The following TAF4 variants were observed in gnomAD, a reference collection of about 807,000 sequenced individuals.
TAF4 encodes the protein transcription initiation factor TFIID subunit 4.
Under a neutral mutation model 90.3 loss-of-function variants are expected in TAF4, and 9 were observed. That is an observed-to-expected ratio of 0.10 (90% confidence interval 0.06 to 0.17). The LOEUF is 0.17. Among genes scored for constraint, TAF4 ranks in the 10% least tolerant of loss-of-function variants. The pLI is 1.00. For synonymous variants in TAF4, 818 were observed against 638.9 expected, an observed-to-expected ratio of 1.28 and a Z score of -4.23; for missense variants, 1,351 against 1,370.7, an observed-to-expected ratio of 0.99 and a Z score of 0.23.
chr20:62,024,524 T>C (rs2055863837), intron 1 of TAF4, among the ~76,000 whole-genome samples: 1 of 152,182 alleles, frequency 6.6e-6, no homozygotes, highest in Non-Finnish European at 1.5e-5. Context: ...AGCATCCATC[T>C]AATAAAGGGC....
In TAF4 at chr20:62,064,727, C is replaced by T; in HGVS notation, c.1084G>A (p.Ala362Thr). 1 of 1,219,098 alleles carries T rather than the reference C, an allele frequency of 8.2e-7. No homozygotes were observed. The highest frequency in any genetic ancestry group is 4.1e-5 in the Admixed American group (1 of 24,106). 75.5% of individuals were successfully genotyped at this position (1,219,098 alleles called of 1,614,324 possible). The change falls in exon 1 of 15, where the codon GCG becomes ACG. Residue 362 changes from alanine to threonine, a missense_variant. Ala to Thr is a moderately conservative substitution (Grantham distance 58, BLOSUM62 0). Transcript: ENST00000252996. ...QAAPPAAQTL[A>T]ASGPASTAAS... ...GCCGTGCTGGCCGGGCCGCTGGCCG[C>T]CAGGGTCTGCGCCGCCGGGGGCGCC... is the stretch of plus-strand genomic sequence containing the variant.
chr20:62,049,240 A>G (rs4134440), intron 1 of TAF4, among the ~76,000 whole-genome samples: 106,882 of 151,914 alleles, frequency 0.7, 37,778 homozygotes, highest in Middle Eastern at 0.8. Context: ...GAGACCCTGC[A>G]AGCGGGGTTC....
At chr20:62,050,745 C>T (rs2056022374) in intron 1 of TAF4, among the ~76,000 whole-genome samples, 1 of 152,148 alleles carries the variant, frequency 6.6e-6, no homozygotes, top group Non-Finnish European at 1.5e-5. Context: ...ACCTGCCAGG[C>T]TCCAGGCAGA....
At position 62,065,570 on chromosome 20, in the gene TAF4, C is replaced by T; in HGVS notation, c.241G>A (p.Gly81Ser). The change falls in exon 1 of 15, where the codon GGC becomes AGC. Residue 81 changes from glycine (G) to serine (S), a missense_variant. Physicochemically the swap from Gly to Ser is moderately conservative, Grantham distance 56. Transcript: ENST00000252996. ...AGAGPAAPAE[G>S]APGAAPEPPP... ...GGCTCCGGCGCCGCTCCGGGCGCGC[C>T]CTCGGCGGGGGCGGCCGGCCCTGCG... is the stretch of plus-strand genomic sequence containing the variant. 2.0e-6 allele frequency: 2 copies of T among 977,624 alleles called. No individual in the cohort carries two copies. Among genetic ancestry groups the T allele is most frequent in the Non-Finnish European group, 2.4e-6 (2 of 827,242 alleles). 60.6% of individuals were successfully genotyped at this position (977,624 alleles called of 1,614,324 possible).
intron 1 of TAF4, among the ~76,000 whole-genome samples, chr20:62,054,879 C>T (rs2056051668): frequency 1.3e-5 from 2 of 152,114 alleles, no homozygotes; most frequent in Admixed American, 1.3e-4. Flanking sequence ...CTCCTGCCTC[C>T]CACCAGCCAC....
chr20:62,064,290 G>C (rs1233397904), intron 1 of TAF4, 161 bp downstream of exon 1: 2 of 803,752 alleles, frequency 2.5e-6, no homozygotes, highest in Non-Finnish European at 3.4e-6. Context: ...ACAGCCACCC[G>C]GGCTGGCCCC....
chr20:62,017,804 A>C (rs899362853), intron 1 of TAF4, among the ~76,000 whole-genome samples: 6 of 152,118 alleles, frequency 3.9e-5, no homozygotes, highest in African/African-American at 1.4e-4. Context: ...ACTGCACTCC[A>C]GCCTGGACGA....
chr20:62,032,514 T>A (rs28382029), intron 1 of TAF4, among the ~76,000 whole-genome samples: 4,090 of 152,326 alleles, frequency 0.027, 188 homozygotes, highest in African/African-American at 0.094. Flanking sequence ...CTGCAGAGGA[T>A]GGGCTTCCAG....
chr20:62,059,489 T>C (rs1247042676), intron 1 of TAF4, among the ~76,000 whole-genome samples: 2 of 152,214 alleles, frequency 1.3e-5, no homozygotes, highest in African/African-American at 4.8e-5. Context: ...AGAACAGCTG[T>C]GTACGTGTTT....
chr20:61,994,156 A>C (rs2055649110), intron 14 of TAF4, among the ~76,000 whole-genome samples: 1 of 151,912 alleles, frequency 6.6e-6, no homozygotes, highest in Admixed American at 6.6e-5. Flanking sequence ...ACAAAAAAGT[A>C]AGTCCTTAAC....
At position 62,010,849 on chromosome 20, in the gene TAF4, C is replaced by A. The variant is rs1158558017; in HGVS notation, c.1642-684G>T. Among the ~76,000 whole-genome samples the A allele has an allele frequency of 1.3e-5, 2 of 152,246 alleles. No homozygotes were observed. The highest frequency in any genetic ancestry group is 2.9e-5 in the Non-Finnish European group (2 of 68,048). ...AAAGGTAGCTCAGACAACTCAGTGG[C>A]CTGTACTCGATTCCTAACATTTCCA... On this transcript the variant is annotated intron_variant, in intron 3 of 14. Transcript: ENST00000252996. The surrounding 1 kb of genome is among the most constrained non-coding windows in gnomAD (Gnocchi z 4.5).
At chr20:62,031,338 C>T (rs1278815240) in intron 1 of TAF4, among the ~76,000 whole-genome samples, 2 of 152,200 alleles carry the variant, frequency 1.3e-5, no homozygotes, top group Non-Finnish European at 2.9e-5. Context: ...TCGCTTCCGC[C>T]GACAGCAGTG....
intron 1 of TAF4, among the ~76,000 whole-genome samples, chr20:62,060,051 C>G (rs1344917477): frequency 6.6e-6 from 1 of 152,242 alleles, no homozygotes; most frequent in Non-Finnish European, 1.5e-5. Context: ...TTCTGCTGAG[C>G]CCGGTCTGTG....
chr20:62,065,234 CG>C lies in TAF4; in HGVS notation c.576del (p.Gly193AlafsTer6). On this transcript the variant is annotated frameshift_variant, in exon 1 of 15. Transcript: ENST00000252996. LOFTEE classifies it high-confidence loss of function. The part of the protein sequence containing the change: ...PGPGPGKPAG[P>X]GAAQTLNGSA... ...CTCCCATTCAAAGTTTGCGCGGCGCCGGGGCCGGCGGGCTTGCCAGGGCCAG... is the reference window on the plus strand; with the variant it reads ...CTCCCATTCAAAGTTTGCGCGGCGCCGGGCCGGCGGGCTTGCCAGGGCCAG... The C allele has an allele frequency of 1.0e-5, 11 of 1,094,388 alleles. No individual in the cohort carries two copies. The highest frequency in any genetic ancestry group is 5.3e-5 in the South Asian group (3 of 56,454). 67.8% of individuals were successfully genotyped at this position (1,094,388 alleles called of 1,614,324 possible).
intron 6 of TAF4, among the ~76,000 whole-genome samples, chr20:62,007,306 C>T (rs2055752320): frequency 6.6e-6 from 1 of 152,246 alleles, no homozygotes; most frequent in African/African-American, 2.4e-5. Context: ...AGCACACGCC[C>T]TTCTCACCAC....
intron 1 of TAF4, among the ~76,000 whole-genome samples, chr20:62,040,024 C>T (rs997989943): frequency 2.6e-5 from 4 of 152,186 alleles, no homozygotes; most frequent in East Asian, 1.9e-4. Context: ...AACCTTTATG[C>T]GCTGCTGGTG....
At chr20:62,050,333 C>G (rs957256716) in intron 1 of TAF4, among the ~76,000 whole-genome samples, 18 of 152,184 alleles carry the variant, frequency 1.2e-4, no homozygotes, top group African/African-American at 4.1e-4. Flanking sequence ...TCACCGCTCC[C>G]TTCTCCTGCC....
chr20:61,996,981 TAAG>T (rs569915717), intron 14 of TAF4, among the ~76,000 whole-genome samples: 45 of 151,494 alleles, frequency 3.0e-4, no homozygotes, highest in Non-Finnish European at 5.7e-4. Context: ...AGATGGCAAA[TAAG>T]GAGGGAAACA....
chr20:61,998,711 G>T (rs191168759), intron 12 of TAF4, among the ~76,000 whole-genome samples: 14 of 152,342 alleles, frequency 9.2e-5, no homozygotes, highest in Non-Finnish European at 2.1e-4. Flanking sequence ...GCACACAGGG[G>T]GCTCTAGGAA....
Sources: allele counts gnomAD v4.1 joint callset (sites outside exome capture counted in the v4.1 genomes callset), GRCh38; gene constraint gnomAD v4.1.1; non-coding constraint Gnocchi (gnomAD v3.1); transcripts MANE v1.5; gene names NCBI Gene and HGNC (gene_info 2026-07-23, HGNC 2026-07-21).